The following GPC6 variants were observed in gnomAD, a reference collection of about 807,000 sequenced individuals.
GPC6 encodes the protein glypican-6.
GPC6 carries 14 observed loss-of-function variants against 55.2 expected under a neutral mutation model. That is an observed-to-expected ratio of 0.25 (90% CI 0.17 to 0.40). The LOEUF (loss-of-function observed/expected upper bound fraction) is 0.40, where lower values mean the gene tolerates loss of function less well. Ranked by LOEUF, GPC6 falls within the 10% of genes least tolerant of loss-of-function variation. The pLI, the probability that GPC6 is intolerant of heterozygous loss-of-function variation, is 1.00. For missense variants in GPC6, 641 were observed against 708.5 expected (o/e 0.90, Z 1.08); for synonymous variants, 278 against 259.6 (o/e 1.07, Z -0.68).
intron 3 of GPC6, among the ~76,000 whole-genome samples, chr13:93,851,849 C>T (rs1385301944): frequency 6.6e-6 from 1 of 151,608 alleles, no homozygotes; most frequent in Non-Finnish European, 1.5e-5. Context: ...TTCTAGGTCA[C>T]TGAGCTTCTG....
rs75729785 is a variant in GPC6, at chr13:93,393,640, C to T, written c.161-151623C>T. On this transcript the variant is annotated intron_variant, in intron 1 of 8. Transcript: ENST00000377047. Reference sequence around the variant, plus strand: ...AAGGACTTAGACCTGTTCTCTCTCTCTCTCTCTCTCTCTTTTTTCTTTTTT... The same window carrying T: ...AAGGACTTAGACCTGTTCTCTCTCTTTCTCTCTCTCTCTTTTTTCTTTTTT... Among the ~76,000 whole-genome samples, 632 of 152,030 alleles carry T rather than the reference C, an allele frequency of 4.2e-3. 6 individuals are homozygous for T. The highest frequency in any genetic ancestry group is 0.015 in the African/African-American group (602 of 41,472).
At chr13:94,224,708 C>T (rs1037188816) in intron 4 of GPC6, among the ~76,000 whole-genome samples, 3 of 152,146 alleles carry the variant, frequency 2.0e-5, no homozygotes, top group East Asian at 3.9e-4. Flanking sequence ...TCTGCTAAAG[C>T]TTGGCTAACT....
chr13:93,924,003 G>A (rs1321902939), intron 3 of GPC6, among the ~76,000 whole-genome samples: 3 of 152,188 alleles, frequency 2.0e-5, no homozygotes, highest in African/African-American at 7.2e-5. Flanking sequence ...GGTGTAGCTT[G>A]TGAATCCACA....
intron 2 of GPC6, among the ~76,000 whole-genome samples, chr13:93,661,270 G>A (rs1880909756): frequency 6.6e-6 from 1 of 152,060 alleles, no homozygotes; most frequent in Admixed American, 6.6e-5. Context: ...CTGGAGTGCA[G>A]TGAAGCAATC....
intron 5 of GPC6, among the ~76,000 whole-genome samples, chr13:94,286,999 A>G (rs1892550828): frequency 6.6e-6 from 1 of 152,230 alleles, no homozygotes; most frequent in Non-Finnish European, 1.5e-5. Flanking sequence ...TCAAGCACAC[A>G]TGAAAAGAAA....
chr13:93,355,807 C>A (rs867583769), intron 1 of GPC6, among the ~76,000 whole-genome samples: 1 of 151,626 alleles, frequency 6.6e-6, no homozygotes, highest in Admixed American at 6.6e-5. Flanking sequence ...TGGTGCTGCA[C>A]GTTATGGGGG....
In GPC6 at chr13:93,549,163, A is replaced by G. The variant is rs142458409; in HGVS notation, c.319+3742A>G. On this transcript the variant is annotated intron_variant, in intron 2 of 8. Coordinates refer to ENST00000377047, the MANE Select transcript of GPC6 (RefSeq NM_005708.5). ...AAAATTTTGGATGGATGAAGACCCAATCTAGTACATCAGGCAGAATGATCA... is the reference window on the plus strand; with the variant it reads ...AAAATTTTGGATGGATGAAGACCCAGTCTAGTACATCAGGCAGAATGATCA... 1.2e-3 allele frequency among the ~76,000 whole-genome samples: 188 copies of G among 152,212 alleles called. 9 individuals are homozygous for G. The East Asian group carries it at 0.032, about 26-fold the overall frequency.
At chr13:94,185,272 A>C (rs1476833579) in intron 4 of GPC6, among the ~76,000 whole-genome samples, 2 of 151,840 alleles carry the variant, frequency 1.3e-5, no homozygotes, top group African/African-American at 2.4e-5. Context: ...AAAAAAAAAA[A>C]AAAGAAGCCA....
intron 2 of GPC6, among the ~76,000 whole-genome samples, chr13:93,777,284 C>G (rs1217930904): frequency 1.3e-5 from 2 of 152,156 alleles, no homozygotes; most frequent in Non-Finnish European, 2.9e-5. Flanking sequence ...GTTCTTATCT[C>G]TTCTATTCCT....
intron 2 of GPC6, among the ~76,000 whole-genome samples, chr13:93,751,135 G>C (rs1334282652): frequency 1.3e-5 from 2 of 150,440 alleles, no homozygotes; most frequent in Non-Finnish European, 2.9e-5. Context: ...GCAAGTTACA[G>C]CTTTTCAAGT....
At chr13:93,313,056 A>G (rs1879127693) in intron 1 of GPC6, among the ~76,000 whole-genome samples, 1 of 152,188 alleles carries the variant, frequency 6.6e-6, no homozygotes, top group Admixed American at 6.6e-5. Context: ...TGACATTGTC[A>G]GCACATGTTA....
chr13:94,131,914 A>G (rs899171877), intron 4 of GPC6, among the ~76,000 whole-genome samples: 1 of 152,240 alleles, frequency 6.6e-6, no homozygotes, highest in Admixed American at 6.5e-5. Context: ...AAAGGATTTC[A>G]TAGTCAAATA....
chr13:94,379,194 T>C (rs9524467), intron 6 of GPC6, among the ~76,000 whole-genome samples: 7,195 of 152,284 alleles, frequency 0.047, 238 homozygotes, highest in East Asian at 0.072. Flanking sequence ...CTTCCTGATA[T>C]TGAAAAATAA....
chr13:93,284,679 A>G (rs911657144), intron 1 of GPC6, among the ~76,000 whole-genome samples: 3 of 152,198 alleles, frequency 2.0e-5, no homozygotes, highest in East Asian at 1.9e-4. Flanking sequence ...GATTTACCAT[A>G]TAACAAAGAC....
intron 2 of GPC6, among the ~76,000 whole-genome samples, chr13:93,703,681 C>T (rs557116615): frequency 6.6e-6 from 1 of 151,880 alleles, no homozygotes; most frequent in South Asian, 2.1e-4. Context: ...GATATCTAAA[C>T]TTATGACAAG....
At chr13:93,440,110 A>G (rs1877731342) in intron 1 of GPC6, among the ~76,000 whole-genome samples, 1 of 152,214 alleles carries the variant, frequency 6.6e-6, no homozygotes, top group Admixed American at 6.5e-5. Context: ...TTAGACTGTA[A>G]TTTTATGGCC....
At chr13:93,309,345 C>T (rs907136730) in intron 1 of GPC6, among the ~76,000 whole-genome samples, 1 of 151,880 alleles carries the variant, frequency 6.6e-6, no homozygotes, top group Non-Finnish European at 1.5e-5. Context: ...ATAAACATAG[C>T]GATAATTCAT....
intron 4 of GPC6, among the ~76,000 whole-genome samples, chr13:94,265,698 A>G (rs1891780218): frequency 6.6e-6 from 1 of 152,186 alleles, no homozygotes; most frequent in South Asian, 2.1e-4. Flanking sequence ...AAACTTGCAG[A>G]GAAGGAAAAC....
intron 4 of GPC6, among the ~76,000 whole-genome samples, chr13:94,091,908 T>TTTGTGTG (rs1885495237): frequency 6.7e-6 from 1 of 148,392 alleles, no homozygotes; most frequent in Admixed American, 6.8e-5. Flanking sequence ...GTGTGTGTGT[T>TTTGTGTG]TGTGTGTGTG....
Sources: gnomAD v4.1 joint callset for allele counts (sites outside exome capture counted in the v4.1 genomes callset) on GRCh38, gnomAD v4.1.1 for gene constraint, MANE v1.5 for transcripts, NCBI Gene and HGNC (gene_info 2026-07-23, HGNC 2026-07-21) for gene names.